The following IL23R variants were observed in gnomAD, a reference collection of about 807,000 sequenced individuals.
The protein encoded by IL23R is interleukin 23 receptor, also known as interleukin-23 receptor.
IL23R carries 34 observed loss-of-function variants against 56.9 expected under a neutral mutation model. The ratio of observed to expected loss-of-function variants is 0.60; its 90% CI spans 0.45 to 0.80. The LOEUF (loss-of-function observed/expected upper bound fraction) is 0.80. Ranked by LOEUF, IL23R falls within the 30% of genes least tolerant of loss-of-function variation. The pLI is 0.00. For synonymous variants in IL23R, 230 were observed against 249.2 expected (o/e 0.92, Z 0.73); for missense variants, 635 against 730.0 (o/e 0.87, Z 1.50).
intron 1 of IL23R, among the ~76,000 whole-genome samples, chr1:67,151,834 T>C (rs1378015365): frequency 6.6e-6 from 1 of 152,234 alleles, no homozygotes; most frequent in Non-Finnish European, 1.5e-5. Flanking sequence ...ACTGTTTTTG[T>C]AGCAGTAGCA....
chr1:67,200,508 G>A (rs555838049), intron 4 of IL23R, among the ~76,000 whole-genome samples: 33 of 148,642 alleles, frequency 2.2e-4, no homozygotes, highest in South Asian at 4.3e-4. Flanking sequence ...TTCTCCTTTC[G>A]CAGCCTCCCA....
At position 67,186,887 on chromosome 1, in the gene IL23R, C is replaced by G. The variant is rs556147040; in HGVS notation, c.491+3928C>G. 5.3e-4 allele frequency among the ~76,000 whole-genome samples: 80 copies of G among 152,318 alleles called. No individual in the cohort carries two copies. In the South Asian group the frequency reaches 0.015, roughly 29 times the overall value. The stretch of plus-strand genomic sequence containing the variant: ...CCTCCTGCCTTGGCCTCCCAAAGTG[C>G]TAGGATTACAGGCATAAGCCAACGC... On this transcript the variant is annotated intron_variant, in intron 4 of 10. Coordinates refer to ENST00000347310, the MANE Select transcript of IL23R (RefSeq NM_144701.3).
rs192620128 is a variant in IL23R, at chr1:67,201,734, A to T, written c.652+837A>T. ...CAAAATACATAGAAAATTGCAGAGA[A>T]TTATGTAGACCTCTCTATGTTCATC... is the stretch of plus-strand genomic sequence containing the variant. On this transcript the variant is annotated intron_variant, in intron 5 of 10. Coordinates refer to ENST00000347310, the MANE Select transcript of IL23R (RefSeq NM_144701.3). Among the ~76,000 whole-genome samples the T allele has an allele frequency of 1.8e-4, 27 of 152,236 alleles. No individual in the cohort carries two copies. The East Asian group carries it at 4.8e-3, about 27-fold the overall frequency.
At chr1:67,158,429 C>T (rs773144532) in intron 1 of IL23R, among the ~76,000 whole-genome samples, 1 of 152,060 alleles carries the variant, frequency 6.6e-6, no homozygotes, top group African/African-American at 2.4e-5. Context: ...AAGGGCTATT[C>T]CATAGGCAAT....
chr1:67,236,018 AAGG>A (rs1651447734), intron 7 of IL23R, among the ~76,000 whole-genome samples: 2 of 152,150 alleles, frequency 1.3e-5, no homozygotes, highest in Admixed American at 1.3e-4. Flanking sequence ...AATTATCAGG[AAGG>A]AGGAGACTGG....
At chr1:67,143,135 A>G (rs1317725965) in intron 1 of IL23R, among the ~76,000 whole-genome samples, 1 of 152,290 alleles carries the variant, frequency 6.6e-6, no homozygotes, top group South Asian at 2.1e-4. Flanking sequence ...GTGCTCCCCA[A>G]AGAAAACTTA....
chr1:67,240,221 T>G lies in IL23R; in HGVS notation c.1088T>G (p.Phe363Cys). The change falls in exon 9 of 11, where the codon TTT becomes TGT. Residue 363 changes from phenylalanine (F) to cysteine (C), a missense_variant. By Grantham distance (205) the Phe-to-Cys change is radical. Transcript: ENST00000347310. Reference sequence around the variant, plus strand: ...GGACTTTTATTGGGAATGATCGTCTTTGCTGTTATGTTGTCAATTCTTTCT... The same window carrying G: ...GGACTTTTATTGGGAATGATCGTCTGTGCTGTTATGTTGTCAATTCTTTCT... ...DIGLLLGMIV[F>C]AVMLSILSLI... 6.2e-7 allele frequency: 1 copy of G among 1,613,364 alleles called. No individual in the cohort carries two copies. Among genetic ancestry groups the G allele is most frequent in the Non-Finnish European group, 8.5e-7 (1 of 1,179,384 alleles).
chr1:67,203,769 A>G (rs541798879), intron 5 of IL23R, among the ~76,000 whole-genome samples: 17 of 152,328 alleles, frequency 1.1e-4, no homozygotes, highest in Middle Eastern at 6.8e-3. Context: ...CATAGCAGCT[A>G]CGGGCTGGGC....
At chr1:67,265,511 A>C in the IL23R span, among the ~76,000 whole-genome samples, 1 of 152,224 alleles carries the variant, frequency 6.6e-6, no homozygotes, top group Admixed American at 6.5e-5. Flanking sequence ...GCTTTACCTT[A>C]TTCTTTTAAA....
chr1:67,165,480 C>T (rs1006209224), upstream of IL23R, among the ~76,000 whole-genome samples: 1 of 152,180 alleles, frequency 6.6e-6, no homozygotes, highest in African/African-American at 2.4e-5. Flanking sequence ...AGTCCCCCCA[C>T]AGAATGAAAT....
chr1:67,165,617 G>C (rs1413024953), upstream of IL23R, among the ~76,000 whole-genome samples: 1 of 152,182 alleles, frequency 6.6e-6, no homozygotes, highest in South Asian at 2.1e-4. Flanking sequence ...GGCTATACAG[G>C]AATATTATGC....
At chr1:67,229,728 A>G (rs538634763) in intron 7 of IL23R, among the ~76,000 whole-genome samples, 2 of 152,226 alleles carry the variant, frequency 1.3e-5, no homozygotes, top group Non-Finnish European at 2.9e-5. Flanking sequence ...CTTGTATGCC[A>G]GAAAACCAGG....
intron 4 of IL23R, among the ~76,000 whole-genome samples, chr1:67,193,140 A>C (rs900594502): frequency 9.9e-5 from 15 of 152,274 alleles, no homozygotes; most frequent in African/African-American, 3.6e-4. Flanking sequence ...TGTTACCTAG[A>C]ATGCTCTTCC....
chr1:67,215,364 C>T (rs1008436410), intron 6 of IL23R, among the ~76,000 whole-genome samples: 1 of 152,212 alleles, frequency 6.6e-6, no homozygotes, highest in Non-Finnish European at 1.5e-5. Flanking sequence ...AGCTGGCTCA[C>T]TCCTATGTCT....
intron 7 of IL23R, among the ~76,000 whole-genome samples, chr1:67,229,334 A>G (rs1362003756): frequency 6.6e-6 from 1 of 152,212 alleles, no homozygotes; most frequent in Non-Finnish European, 1.5e-5. Context: ...TCGAACAGCC[A>G]GATGGAAGAG....
chr1:67,249,496 G>C (rs1261174421), intron 9 of IL23R, among the ~76,000 whole-genome samples: 1 of 151,448 alleles, frequency 6.6e-6, no homozygotes, highest in African/African-American at 2.4e-5. Flanking sequence ...TTATCTCTGT[G>C]GTCTGTGATA....
chr1:67,214,233 T>C (rs1031274512), intron 6 of IL23R, among the ~76,000 whole-genome samples: 11 of 149,998 alleles, frequency 7.3e-5, no homozygotes, highest in Non-Finnish European at 1.2e-4. Flanking sequence ...TACTATGTAA[T>C]CTTGATTACA....
intron 7 of IL23R, among the ~76,000 whole-genome samples, chr1:67,232,196 A>G (rs1253957169): frequency 3.3e-5 from 5 of 152,236 alleles, no homozygotes; most frequent in African/African-American, 1.2e-4. Context: ...CTTTTCAAGC[A>G]TCCTGTAATT....
chr1:67,176,838 A>G (rs982230322), intron 3 of IL23R, among the ~76,000 whole-genome samples: 1 of 151,872 alleles, frequency 6.6e-6, no homozygotes, highest in African/African-American at 2.4e-5. Flanking sequence ...TCCTGTGTCC[A>G]TGTGTTCTCA....
Sources: gnomAD v4.1 joint callset for allele counts (sites outside exome capture counted in the v4.1 genomes callset) on GRCh38, gnomAD v4.1.1 for gene constraint, MANE v1.5 for transcripts, NCBI Gene and HGNC (gene_info 2026-07-23, HGNC 2026-07-21) for gene names.